ZNF827: variants seen among roughly 807,000 people sequenced by gnomAD.
ZNF827 encodes zinc finger protein 827.
Under a neutral mutation model 102.4 loss-of-function variants are expected in ZNF827, and 13 were observed. The ratio of observed to expected loss-of-function variants is 0.13; its 90% confidence interval spans 0.08 to 0.20. ZNF827 has a LOEUF of 0.20. Ranked by LOEUF, ZNF827 falls within the 10% of genes least tolerant of loss-of-function variation. The probability of loss-of-function intolerance (pLI) is 1.00; values close to 1 mark genes in which losing one functional copy is unlikely to be tolerated. For missense variants in ZNF827, 1,103 were observed against 1,344.4 expected, an observed-to-expected ratio of 0.82 and a Z score of 2.81; for synonymous variants, 523 against 536.2, an observed-to-expected ratio of 0.98 and a Z score of 0.34.
chr4:145,878,740 G>T (rs1454483878), intron 4 of ZNF827, among the ~76,000 whole-genome samples: 1 of 151,376 alleles, frequency 6.6e-6, no homozygotes, highest in Non-Finnish European at 1.5e-5. Flanking sequence ...AGAGAGGAAG[G>T]GAGGAAGGGC....
intron 3 of ZNF827, among the ~76,000 whole-genome samples, chr4:145,889,077 A>G (rs1357718967): frequency 6.6e-6 from 1 of 152,244 alleles, no homozygotes; most frequent in Non-Finnish European, 1.5e-5. Context: ...TCAAAGTGAT[A>G]ATGGTTATTT....
chr4:145,889,115 C>T (rs1200337858), intron 3 of ZNF827, among the ~76,000 whole-genome samples: 2 of 152,006 alleles, frequency 1.3e-5, no homozygotes, highest in African/African-American at 4.8e-5. Flanking sequence ...GATTAAGGAT[C>T]AACTTTATAT....
At chr4:145,772,483 A>T (rs1306789512) in intron 11 of ZNF827, among the ~76,000 whole-genome samples, 1 of 152,224 alleles carries the variant, frequency 6.6e-6, no homozygotes, top group East Asian at 1.9e-4. Flanking sequence ...GGGGGTCAGC[A>T]AACTACAGTC....
chr4:145,900,143 G>A (rs1301458854), intron 2 of ZNF827, among the ~76,000 whole-genome samples: 1 of 152,128 alleles, frequency 6.6e-6, no homozygotes, highest in African/African-American at 2.4e-5. Context: ...ACATGTATCT[G>A]GTCGTTTGAG....
intron 7 of ZNF827, among the ~76,000 whole-genome samples, chr4:145,826,271 G>A (rs1027076075): frequency 1.1e-4 from 16 of 152,192 alleles, no homozygotes; most frequent in African/African-American, 3.9e-4. Context: ...GTTTAACAAC[G>A]CCATCTTTTA....
chr4:145,847,132 C>T (rs573422762), intron 6 of ZNF827, among the ~76,000 whole-genome samples: 9 of 150,430 alleles, frequency 6.0e-5, no homozygotes, highest in African/African-American at 1.2e-4. Flanking sequence ...CCAGCCTGGG[C>T]GACAGAGTGT....
At chr4:145,889,616 C>T (rs1750425785) in intron 3 of ZNF827, among the ~76,000 whole-genome samples, 1 of 145,600 alleles carries the variant, frequency 6.9e-6, no homozygotes, top group African/African-American at 2.6e-5. Flanking sequence ...TGCAGTGGTG[C>T]GATCTCGGCT....
Position 145,902,082 on chromosome 4 carries a change from C to T in ZNF827, c.1093+84G>A, listed in dbSNP as rs1167095713. On this transcript the variant is annotated intron_variant, in intron 2 of 14. Coordinates refer to ENST00000508784, the MANE Select transcript of ZNF827 (RefSeq NM_001306215.2). This position sits in a 1 kb window ranked among gnomAD's most constrained non-coding sequence, Gnocchi z 4.3. The stretch of plus-strand genomic sequence containing the variant: ...TTCCTGCCTCAGATCAGATGGGGAA[C>T]CCAACTGAAAAAAGCAATGAATAAG... 2 of 1,490,458 alleles carry T rather than the reference C, an allele frequency of 1.3e-6. No individual in the cohort carries two copies. The highest frequency in any genetic ancestry group is 2.8e-5 in the African/African-American group (2 of 71,052). 92.3% of individuals were successfully genotyped at this position (1,490,458 alleles called of 1,614,324 possible).
At chr4:145,791,239 C>T (rs1337493188) in intron 8 of ZNF827, among the ~76,000 whole-genome samples, 1 of 152,202 alleles carries the variant, frequency 6.6e-6, no homozygotes, top group Non-Finnish European at 1.5e-5. Flanking sequence ...AGACAGCCAT[C>T]TTTCTCACTC....
At chr4:145,907,312 A>G (rs1236197444) in intron 1 of ZNF827, 4 of 433,896 alleles carry the variant, frequency 9.2e-6, no homozygotes, top group South Asian at 6.7e-5. Context: ...CTCCTTCTGC[A>G]GAGTGTACGA....
intron 8 of ZNF827, among the ~76,000 whole-genome samples, chr4:145,783,584 A>G (rs1196169510): frequency 6.6e-6 from 1 of 152,208 alleles, no homozygotes; most frequent in Non-Finnish European, 1.5e-5. Flanking sequence ...GTCATTCTCA[A>G]CTTTCCTTAT....
rs1425584113 is a variant in ZNF827, at chr4:145,763,485, G to A, written c.3231-363C>T. On this transcript the variant is annotated intron_variant, in intron 13 of 14. Coordinates refer to ENST00000508784, the MANE Select transcript of ZNF827 (RefSeq NM_001306215.2). This position sits in a 1 kb window ranked among gnomAD's most constrained non-coding sequence, Gnocchi z 4.6. ...GAACATAAACTATTACACAGGGGAC[G>A]GTTAGCACCGCACGGGAAGTGTCTG... is the stretch of plus-strand genomic sequence containing the variant. 6.6e-6 allele frequency among the ~76,000 whole-genome samples: 1 copy of A among 152,190 alleles called. No individual in the cohort carries two copies. The highest frequency in any genetic ancestry group is 2.4e-5 in the African/African-American group (1 of 41,452).
At chr4:145,795,592 C>T (rs1740300839) in intron 8 of ZNF827, among the ~76,000 whole-genome samples, 1 of 152,204 alleles carries the variant, frequency 6.6e-6, no homozygotes, top group African/African-American at 2.4e-5. Context: ...AGGTCAGATC[C>T]CATCAGGCTC....
At chr4:145,813,122 T>C (rs1162777337) in intron 8 of ZNF827, among the ~76,000 whole-genome samples, 1 of 152,090 alleles carries the variant, frequency 6.6e-6, no homozygotes, top group East Asian at 1.9e-4. Flanking sequence ...TCTATCAACA[T>C]TATCATGGCT....
intron 11 of ZNF827, among the ~76,000 whole-genome samples, chr4:145,770,297 TTAAAATAAA>T (rs1292159977): frequency 2.1e-5 from 3 of 141,188 alleles, no homozygotes; most frequent in African/African-American, 8.1e-5. Context: ...AGACCCTGTC[TTAAAATAAA>T]TAAATAAATA....
intron 5 of ZNF827, among the ~76,000 whole-genome samples, chr4:145,862,240 G>C (rs559465779): frequency 6.6e-6 from 1 of 152,326 alleles, no homozygotes; most frequent in East Asian, 1.9e-4. Flanking sequence ...AAAGAACCAA[G>C]TTCCAGGGCT....
chr4:145,877,654 G>A (rs1749257588), intron 4 of ZNF827, among the ~76,000 whole-genome samples: 1 of 152,102 alleles, frequency 6.6e-6, no homozygotes, highest in African/African-American at 2.4e-5. Context: ...GATAGCTATG[G>A]CCAAAGGGGA....
chr4:145,882,814 C>T (rs879258839), intron 4 of ZNF827, among the ~76,000 whole-genome samples: 5 of 152,142 alleles, frequency 3.3e-5, no homozygotes, highest in East Asian at 1.9e-4. Context: ...AGCAGGTGCA[C>T]GGACAGAGCC....
chr4:145,881,575 C>A (rs532950973), intron 4 of ZNF827, among the ~76,000 whole-genome samples: 4 of 152,132 alleles, frequency 2.6e-5, no homozygotes, highest in African/African-American at 9.7e-5. Context: ...GATGTAAGGC[C>A]GTTGCTGCAG....
Sources: gnomAD v4.1 joint callset for allele counts (sites outside exome capture counted in the v4.1 genomes callset) on GRCh38, gnomAD v4.1.1 for gene constraint, Gnocchi (gnomAD v3.1) non-coding constraint, MANE v1.5 for transcripts, NCBI Gene and HGNC (gene_info 2026-07-23, HGNC 2026-07-21) for gene names.